TSPAN8: variants seen among roughly 807,000 people sequenced by gnomAD.
TSPAN8 encodes tetraspanin-8.
Under a neutral mutation model 32.8 loss-of-function variants are expected in TSPAN8, and 21 were observed. That is an observed-to-expected ratio of 0.64 (90% CI 0.45 to 0.92). The LOEUF (loss-of-function observed/expected upper bound fraction) is 0.92, where lower values mean the gene tolerates loss of function less well. Ranked by LOEUF, TSPAN8 falls within the 40% of genes least tolerant of loss-of-function variation. The probability of loss-of-function intolerance (pLI) is 0.00; values close to 1 mark genes in which losing one functional copy is unlikely to be tolerated. For synonymous variants in TSPAN8, 95 were observed against 94.6 expected (o/e 1.00, Z -0.03); for missense variants, 269 against 281.9 (o/e 0.95, Z 0.33).
chr12:71,129,055 G>C (rs1435396137), intron 8 of TSPAN8, among the ~76,000 whole-genome samples: 1 of 152,080 alleles, frequency 6.6e-6, no homozygotes, highest in East Asian at 1.9e-4. Flanking sequence ...TAAGAACTAT[G>C]TGAAAATTAA....
chr12:71,156,974 G>A (rs1872464177), intron 2 of TSPAN8: 1 of 152,156 alleles, frequency 6.6e-6, no homozygotes, highest in Admixed American at 6.5e-5. Flanking sequence ...GGACTTTCAA[G>A]AGAAACATAA....
chr12:71,135,495 G>A (rs1167555416), intron 6 of TSPAN8, among the ~76,000 whole-genome samples: 3 of 132,018 alleles, frequency 2.3e-5, no homozygotes, highest in African/African-American at 8.4e-5. Context: ...CGGAGGAGAA[G>A]AAAAGGAAGA....
intron 2 of TSPAN8, among the ~76,000 whole-genome samples, chr12:71,149,806 A>T (rs976516013): frequency 6.6e-6 from 1 of 152,226 alleles, no homozygotes; most frequent in Non-Finnish European, 1.5e-5. Context: ...AACAATATGA[A>T]ATCAGTGCAC....
chr12:71,139,702 A>C lies in TSPAN8; in HGVS notation c.261+9T>G. 1 of 1,612,672 alleles carries C rather than the reference A, an allele frequency of 6.2e-7. No individual in the cohort carries two copies. Among genetic ancestry groups the C allele is most frequent in the Non-Finnish European group, 8.5e-7 (1 of 1,179,174 alleles). On this transcript the variant is annotated intron_variant, in intron 4 of 8. Coordinates refer to ENST00000247829, the MANE Select transcript of TSPAN8 (RefSeq NM_004616.3). Reference sequence around the variant, plus strand: ...AGGTTGGACACTGGGATTTGTTTGGAGAACTCACCAACAGAAGCATGCAGC... The same window carrying C: ...AGGTTGGACACTGGGATTTGTTTGGCGAACTCACCAACAGAAGCATGCAGC...
chr12:71,151,126 C>T (rs189413655), intron 2 of TSPAN8, among the ~76,000 whole-genome samples: 30 of 150,896 alleles, frequency 2.0e-4, no homozygotes, highest in Admixed American at 4.0e-4. Context: ...TGCAGTGGCG[C>T]GATCTTGGCT....
Position 71,125,103 on chromosome 12 carries a change from A to G in TSPAN8, c.*231T>C, listed in dbSNP as rs1592396019. 1.6e-5 allele frequency: 7 copies of G among 431,484 alleles called. No individual in the cohort carries two copies. In the East Asian group the frequency reaches 2.7e-4, roughly 17 times the overall value. The allele number at this position is 431,484 out of a possible 1,614,324, so 26.7% of individuals were successfully genotyped here. On this transcript the variant is annotated 3_prime_UTR_variant, in exon 9 of 9. Coordinates refer to ENST00000247829, the MANE Select transcript of TSPAN8 (RefSeq NM_004616.3). Reference sequence around the variant, plus strand: ...TCAGACATAGAAAAGCACCAACGTAAACAGTTACTTTTATTTTGAGTAAAA... The same window carrying G: ...TCAGACATAGAAAAGCACCAACGTAGACAGTTACTTTTATTTTGAGTAAAA...
chr12:71,144,179 CAT>C lies in TSPAN8; in HGVS notation c.93_94del (p.Ile31MetfsTer7). ...TTGAGAGTCATTGCTTACTCGTACCCATATTGCTAATGCTAGGATCAAGATAC... is the reference window on the plus strand; with the variant it reads ...TTGAGAGTCATTGCTTACTCGTACCCATTGCTAATGCTAGGATCAAGATAC... On this transcript the variant is annotated frameshift_variant, in exon 3 of 9. Transcript: ENST00000247829. LOFTEE classifies it high-confidence loss of function. The C allele has an allele frequency of 6.2e-7, 1 of 1,611,830 alleles. No individual in the cohort carries two copies. Among genetic ancestry groups the C allele is most frequent in the South Asian group, 1.1e-5 (1 of 90,932 alleles).
rs543184547 is a variant in TSPAN8, at chr12:71,136,099, A to AAG, written c.444+1853_444+1854insCT. Among the ~76,000 whole-genome samples, 963 of 152,144 alleles carry AAG rather than the reference A, an allele frequency of 6.3e-3. 12 individuals carry two copies. Among genetic ancestry groups the AAG allele is most frequent in the African/African-American group, 0.022 (896 of 41,532 alleles). On this transcript the variant is annotated intron_variant, in intron 6 of 8. Coordinates refer to ENST00000247829, the MANE Select transcript of TSPAN8 (RefSeq NM_004616.3). ...TAGTGAATGCTCTGAGGGAGAAAAA[A>AAG]AAAAGTCACCTGATAAAAAGTTTGA...
intron 6 of TSPAN8, among the ~76,000 whole-genome samples, chr12:71,134,072 G>T (rs1479718809): frequency 6.6e-6 from 1 of 152,116 alleles, no homozygotes; most frequent in East Asian, 1.9e-4. Context: ...TTACACATTA[G>T]TTTAACCTCT....
At chr12:71,132,147 A>T (rs1398891854) in intron 7 of TSPAN8, among the ~76,000 whole-genome samples, 1 of 152,240 alleles carries the variant, frequency 6.6e-6, no homozygotes, top group Non-Finnish European at 1.5e-5. Flanking sequence ...TTAAATGTTC[A>T]AGGTAACTTC....
At chr12:71,152,775 C>T (rs527949588) in intron 2 of TSPAN8, among the ~76,000 whole-genome samples, 2 of 152,312 alleles carry the variant, frequency 1.3e-5, no homozygotes, top group Admixed American at 6.5e-5. Context: ...ATTCCATCAA[C>T]GGACACAATA....
intron 2 of TSPAN8, among the ~76,000 whole-genome samples, chr12:71,151,987 A>G (rs1384163394): frequency 6.6e-6 from 1 of 152,274 alleles, no homozygotes; most frequent in Non-Finnish European, 1.5e-5. Context: ...TATGTATAAA[A>G]TACTGTCACA....
intron 2 of TSPAN8, among the ~76,000 whole-genome samples, chr12:71,155,796 A>C (rs2137063796): frequency 6.6e-6 from 1 of 151,702 alleles, no homozygotes; most frequent in African/African-American, 2.4e-5. Flanking sequence ...CAGTGGTGCG[A>C]GCTCGGCTCA....
In TSPAN8 at chr12:71,132,637, T is replaced by C. The variant is rs1871552608; in HGVS notation, c.576+56A>G. The C allele has an allele frequency of 2.5e-6, 4 of 1,585,630 alleles. No individual in the cohort carries two copies. In the South Asian group the frequency reaches 3.4e-5, roughly 14 times the overall value. ...TTTTAATTTTTTGTAGGGACTTTAATTGTGAAAAGAAAGTAACAGAATTGC... is the reference window on the plus strand; with the variant it reads ...TTTTAATTTTTTGTAGGGACTTTAACTGTGAAAAGAAAGTAACAGAATTGC... On this transcript the variant is annotated intron_variant, in intron 7 of 8. Coordinates refer to ENST00000247829, the MANE Select transcript of TSPAN8 (RefSeq NM_004616.3).
At chr12:71,150,767 C>T (rs1025596359) in intron 2 of TSPAN8, among the ~76,000 whole-genome samples, 19 of 152,182 alleles carry the variant, frequency 1.2e-4, no homozygotes, top group African/African-American at 3.9e-4. Flanking sequence ...GCGGGTGGTT[C>T]CCCCATACTG....
chr12:71,144,193 T>C lies in TSPAN8; in HGVS notation c.81A>G (p.Leu27=), dbSNP rs1374073998. ...TTACTCGTACCCATATTGCTAATGC[T>C]AGGATCAAGATACCACATAGCTGCA... is the stretch of plus-strand genomic sequence containing the variant. ...FLFWLCGILI[L]ALAIWVRVSN... The change falls in exon 3 of 9, where the codon CTA becomes CTG. Residue 27 remains leucine, a synonymous_variant. Transcript: ENST00000247829. 1 of 1,611,766 alleles carries C rather than the reference T, an allele frequency of 6.2e-7. No homozygotes were observed. Among genetic ancestry groups the C allele is most frequent in the Admixed American group, 1.7e-5 (1 of 59,936 alleles).
intron 8 of TSPAN8, among the ~76,000 whole-genome samples, chr12:71,125,969 C>T (rs1344588448): frequency 6.6e-6 from 1 of 152,058 alleles, no homozygotes; most frequent in Non-Finnish European, 1.5e-5. Context: ...AGCTGAAAAT[C>T]TGGGGCATAA....
At chr12:71,125,512 C>G (rs1283322447) in intron 8 of TSPAN8, 125 bp from the exon 9 acceptor site, 2 of 739,444 alleles carry the variant, frequency 2.7e-6, no homozygotes, top group Non-Finnish European at 4.3e-6. Context: ...TCTTATCTAA[C>G]TCATCTCTCT....
In TSPAN8 at chr12:71,138,152, A is replaced by G. The variant is rs1871774255; in HGVS notation, c.336+4T>C. On this transcript the variant is annotated splice_donor_region_variant and intron_variant, in intron 5 of 8. Transcript: ENST00000247829. ...TCAAAATTTTCAAACATCTGTGCAC[A>G]CACCTTAGATTTGAAAACAGCTCCT... 6.2e-7 allele frequency: 1 copy of G among 1,613,770 alleles called. No homozygotes were observed. The highest frequency in any genetic ancestry group is 1.1e-5 in the South Asian group (1 of 91,072).
Sources: allele counts gnomAD v4.1 joint callset (sites outside exome capture counted in the v4.1 genomes callset), GRCh38; gene constraint gnomAD v4.1.1; transcripts MANE v1.5; gene names NCBI Gene and HGNC (gene_info 2026-07-23, HGNC 2026-07-21).